DMD: variants seen among roughly 807,000 people sequenced by gnomAD.
The protein encoded by DMD is mutant dystrophin.
A neutral mutation model predicts 330.1 loss-of-function variants in DMD; 63 were observed. The ratio of observed to expected loss-of-function variants is 0.19; its 90% CI spans 0.16 to 0.24. DMD has a LOEUF of 0.24. Among genes scored for constraint, DMD ranks in the 10% least tolerant of loss-of-function variants. DMD has a pLI of 1.00. For synonymous variants in DMD, 1,223 were observed against 959.8 expected (o/e 1.27, Z -5.07); for missense variants, 3,344 against 2,684.1 (o/e 1.25, Z -5.43).
chrX:31,884,775 TTTTA>T (rs751671752), intron 47 of DMD, among the ~76,000 whole-genome samples: 3 of 112,133 alleles, frequency 2.7e-5, no homozygotes, highest in East Asian at 2.8e-4. Flanking sequence ...ATAATACAAT[TTTTA>T]TTTGTCAATT....
chrX:31,588,474 T>C (rs1432121017), intron 55 of DMD, among the ~76,000 whole-genome samples: 1 of 111,744 alleles, frequency 8.9e-6, no homozygotes, highest in African/African-American at 3.3e-5. Flanking sequence ...TGGAAATTAT[T>C]TGAACTATCC....
At chrX:32,167,588 T>C (rs1348868812) in intron 44 of DMD, among the ~76,000 whole-genome samples, 1 of 112,481 alleles carries the variant, frequency 8.9e-6, no homozygotes, top group African/African-American at 3.2e-5. Context: ...GAGTTACAAA[T>C]GATATTTTAC....
At chrX:32,754,571 TA>T (rs2071259417) in intron 7 of DMD, among the ~76,000 whole-genome samples, 1 of 106,536 alleles carries the variant, frequency 9.4e-6, no homozygotes, top group Non-Finnish European at 1.9e-5. Context: ...GGTGCCACAG[TA>T]AAAGTATGAT....
In DMD at chrX:32,573,805, T is replaced by C. The variant is rs2149138602; in HGVS notation, c.1644A>G (p.Glu548=). 1 of 1,211,738 alleles carries C rather than the reference T, an allele frequency of 8.3e-7. No individual in the cohort carries two copies. Among genetic ancestry groups the C allele is most frequent in the African/African-American group, 1.7e-5 (1 of 57,909 alleles). The change falls in exon 14 of 79, where the codon GAA becomes GAG. Residue 548 remains glutamate, a synonymous_variant. Transcript: ENST00000357033. The part of the protein sequence containing the change: ...DRWANICRWT[E]DRWVLLQDIL... The stretch of plus-strand genomic sequence containing the variant: ...TGTCTTGTAAAAGAACCCAGCGGTC[T>C]TCTGTCCATCTACAGATGTTTGCCC...
chrX:32,624,944 C>T (rs760615381), intron 11 of DMD, among the ~76,000 whole-genome samples: 19 of 111,298 alleles, frequency 1.7e-4, no homozygotes, highest in African/African-American at 5.6e-4. Context: ...GAGGCTGAGG[C>T]GGCGGATCAC....
chrX:31,962,425 T>C (rs907773416), intron 45 of DMD, among the ~76,000 whole-genome samples: 1 of 111,847 alleles, frequency 8.9e-6, no homozygotes, highest in East Asian at 2.8e-4. Flanking sequence ...CATGAATCAC[T>C]TGGAAACTTG....
intron 55 of DMD, among the ~76,000 whole-genome samples, chrX:31,607,556 T>C (rs955106843): frequency 8.9e-6 from 1 of 112,327 alleles, no homozygotes; most frequent in Non-Finnish European, 1.9e-5. Context: ...TAAAGATACA[T>C]TAACAGTAGT....
chrX:32,743,411 G>C (rs1163783182), intron 7 of DMD, among the ~76,000 whole-genome samples: 1 of 111,026 alleles, frequency 9.0e-6, no homozygotes, highest in East Asian at 2.8e-4. Flanking sequence ...AAACTAGAAG[G>C]GGGAAGTATT....
intron 16 of DMD, among the ~76,000 whole-genome samples, chrX:32,554,329 G>C (rs755654170): frequency 1.8e-5 from 2 of 111,011 alleles, no homozygotes; most frequent in East Asian, 5.7e-4. Context: ...CCAGGAGCTG[G>C]TTTTTGGAAA....
chrX:32,377,801 A>G (rs922283792), intron 34 of DMD, among the ~76,000 whole-genome samples: 1 of 111,414 alleles, frequency 9.0e-6, no homozygotes, highest in Non-Finnish European at 1.9e-5. Flanking sequence ...GTCTCCTATA[A>G]TTCATAAATA....
chrX:31,176,278 CA>C (rs1203639044), intron 71 of DMD, among the ~76,000 whole-genome samples: 3 of 111,310 alleles, frequency 2.7e-5, no homozygotes, highest in African/African-American at 9.7e-5. Context: ...CATAAAAAGG[CA>C]AATTGGGAGG....
chrX:31,285,824 T>C (rs2053168327), intron 62 of DMD, among the ~76,000 whole-genome samples: 1 of 111,531 alleles, frequency 9.0e-6, no homozygotes, highest in African/African-American at 3.3e-5. Context: ...GGAAAATAAA[T>C]TTAGGTAAAA....
chrX:32,730,630 G>C (rs1354457268), intron 7 of DMD, among the ~76,000 whole-genome samples: 1 of 111,949 alleles, frequency 8.9e-6, no homozygotes, highest in Non-Finnish European at 1.9e-5. Flanking sequence ...GAAAGGACAG[G>C]ACTAGAAAGC....
At chrX:31,901,747 A>T (rs2094425979) in intron 47 of DMD, among the ~76,000 whole-genome samples, 1 of 111,707 alleles carries the variant, frequency 9.0e-6, no homozygotes, top group Non-Finnish European at 1.9e-5. Context: ...TTATATTACT[A>T]ATATTTACAT....
intron 21 of DMD, among the ~76,000 whole-genome samples, chrX:32,481,491 T>G (rs1416782410): frequency 8.9e-6 from 1 of 111,811 alleles, no homozygotes; most frequent in Non-Finnish European, 1.9e-5. Flanking sequence ...TCCAAACCTG[T>G]TATAGAAGTT....
intron 1 of DMD, among the ~76,000 whole-genome samples, chrX:33,233,949 A>AT (rs2052433494): frequency 8.9e-6 from 1 of 112,163 alleles, no homozygotes; most frequent in African/African-American, 3.2e-5. Context: ...CTTTTATATT[A>AT]TTTTTTACAA....
rs148694912 is a variant in DMD, at chrX:32,880,925, C to T, written c.94-31105G>A. On this transcript the variant is annotated intron_variant, in intron 2 of 78. Transcript: ENST00000357033. ...CGCCATCGCACTCCAGCCTGGGCAA[C>T]GACAGCAAAACTCCATCTCAAAAAA... Among the ~76,000 whole-genome samples the T allele has an allele frequency of 3.7e-3, 414 of 112,599 alleles. 8 individuals are homozygous for T. In the East Asian group the frequency reaches 0.066, roughly 18 times the overall value.
At chrX:31,156,407 A>AG (rs200669832) in intron 74 of DMD, among the ~76,000 whole-genome samples, 3,382 of 112,514 alleles carry the variant, frequency 0.03, 67 homozygotes, top group Non-Finnish European at 0.048. Context: ...TTGCCCCATC[A>AG]GGGGAAAGGT....
chrX:32,518,186 T>C, intron 17 of DMD, 55 bp from the exon 18 acceptor site: 1 of 1,113,860 alleles, frequency 9.0e-7, no homozygotes, highest in South Asian at 1.9e-5. Flanking sequence ...TTCTTCTATA[T>C]TAAAAAAAGC....
Sources: gnomAD v4.1 joint callset for allele counts (sites outside exome capture counted in the v4.1 genomes callset) on GRCh38, gnomAD v4.1.1 for gene constraint, MANE v1.5 for transcripts, NCBI Gene and HGNC (gene_info 2026-07-23, HGNC 2026-07-21) for gene names.